The following WDR89 variants were observed in gnomAD, a reference collection of about 807,000 sequenced individuals.
WDR89 encodes the protein WD repeat domain 89, also known as WD repeat-containing protein 89.
Under a neutral mutation model 29.1 loss-of-function variants are expected in WDR89, and 17 were observed. The observed-to-expected ratio is 0.58, with a 90% CI of 0.40 to 0.88. WDR89 has a LOEUF of 0.88. Among genes scored for constraint, WDR89 ranks in the 40% least tolerant of loss-of-function variants. The pLI is 0.00. For missense variants in WDR89, 396 were observed against 456.3 expected (o/e 0.87, Z 1.20); for synonymous variants, 138 against 157.8 (o/e 0.87, Z 0.94).
At chr14:63,608,529 T>A (rs1401171404) in intron 2 of WDR89, among the ~76,000 whole-genome samples, 1 of 152,206 alleles carries the variant, frequency 6.6e-6, no homozygotes, top group Non-Finnish European at 1.5e-5. Context: ...ATCTCTGTCC[T>A]CAAGTCCCTT....
chr14:63,624,064 T>A (rs1234570515), intron 2 of WDR89, among the ~76,000 whole-genome samples: 2 of 152,082 alleles, frequency 1.3e-5, no homozygotes, highest in African/African-American at 2.4e-5. Context: ...AAAAAGGGAA[T>A]CTATGACCTT....
chr14:63,621,294 G>C (rs575475093), intron 2 of WDR89, among the ~76,000 whole-genome samples: 17 of 152,128 alleles, frequency 1.1e-4, no homozygotes, highest in African/African-American at 4.1e-4. Context: ...GCCCAGGCTG[G>C]GGTGCAGTGG....
intron 2 of WDR89, among the ~76,000 whole-genome samples, chr14:63,612,772 G>A (rs1052423953): frequency 5.9e-5 from 9 of 152,052 alleles, no homozygotes; most frequent in South Asian, 2.1e-4. Context: ...AAAATCTCTC[G>A]AAAGTAGTAA....
chr14:63,636,520 A>G (rs1883748285), intron 1 of WDR89, among the ~76,000 whole-genome samples: 1 of 152,236 alleles, frequency 6.6e-6, no homozygotes. Context: ...AAACTATACC[A>G]TAAGGCCATA....
At chr14:63,602,772 CAAAA>C in intron 2 of WDR89, among the ~76,000 whole-genome samples, 1 of 101,806 alleles carries the variant, frequency 9.8e-6, no homozygotes, top group African/African-American at 3.2e-5. Context: ...AACTCCATCT[CAAAA>C]AAAAAAAAAA....
chr14:63,607,138 T>G (rs141983002), intron 2 of WDR89, among the ~76,000 whole-genome samples: 1 of 152,198 alleles, frequency 6.6e-6, no homozygotes, highest in African/African-American at 2.4e-5. Context: ...CCTTTACTTT[T>G]AATTTTTCAT....
intron 1 of WDR89, among the ~76,000 whole-genome samples, chr14:63,625,863 T>A (rs571684211): frequency 5.3e-5 from 8 of 152,022 alleles, no homozygotes; most frequent in Admixed American, 2.6e-4. Context: ...AGAGGACTTT[T>A]TTTTTTTTTT....
At chr14:63,608,546 C>T (rs961424065) in intron 2 of WDR89, among the ~76,000 whole-genome samples, 2 of 152,072 alleles carry the variant, frequency 1.3e-5, no homozygotes, top group Non-Finnish European at 1.5e-5. Context: ...CCTTTCCTGT[C>T]CCAGGAGGCA....
chr14:63,602,713 G>A (rs10142782), intron 2 of WDR89, among the ~76,000 whole-genome samples: 8,282 of 150,886 alleles, frequency 0.055, 311 homozygotes, highest in African/African-American at 0.11. Context: ...AGGAGGTTGC[G>A]GTGAGCCGAG....
At chr14:63,620,897 C>CAAAA (rs539451063) in intron 2 of WDR89, among the ~76,000 whole-genome samples, 1 of 82,988 alleles carries the variant, frequency 1.2e-5, no homozygotes, top group Non-Finnish European at 2.4e-5. Context: ...GACTCCATCT[C>CAAAA]AAAAAAAAAA....
chr14:63,620,897 C>CAAAAAAAAAAAAA (rs539451063), intron 2 of WDR89, among the ~76,000 whole-genome samples: 1 of 82,960 alleles, frequency 1.2e-5, no homozygotes. Flanking sequence ...GACTCCATCT[C>CAAAAAAAAAAAAA]AAAAAAAAAA....
At chr14:63,623,875 G>C (rs1440224005) in intron 2 of WDR89, among the ~76,000 whole-genome samples, 7 of 151,868 alleles carry the variant, frequency 4.6e-5, no homozygotes, top group Admixed American at 4.6e-4. Flanking sequence ...TAAACATAAA[G>C]CCATAGATAG....
intron 1 of WDR89, among the ~76,000 whole-genome samples, chr14:63,639,142 A>G (rs1883929078): frequency 6.6e-6 from 1 of 152,176 alleles, no homozygotes; most frequent in South Asian, 2.1e-4. Flanking sequence ...TTCTTCTCAC[A>G]GCCTCCAGAA....
At chr14:63,602,241 G>A (rs1047869602) in intron 2 of WDR89, among the ~76,000 whole-genome samples, 3 of 152,000 alleles carry the variant, frequency 2.0e-5, no homozygotes, top group Non-Finnish European at 2.9e-5. Context: ...TCTGGAGGCC[G>A]AGGCAGCGAT....
rs1052680461 is a variant in WDR89, at chr14:63,597,658, A to G, written c.*1121T>C. On this transcript the variant is annotated 3_prime_UTR_variant, in exon 3 of 3. Coordinates refer to ENST00000620954, the MANE Select transcript of WDR89 (RefSeq NM_080666.4). ...GATTTCTCCAGATATCTTTCAAACT[A>G]ATTTTTTTATTCACTAGATAGCACT... 6.6e-6 allele frequency: 1 copy of G among 152,208 alleles called. No individual in the cohort carries two copies. The highest frequency in any genetic ancestry group is 1.5e-5 in the Non-Finnish European group (1 of 68,030). The allele number at this position is 152,208 out of a possible 1,614,324, so 9.4% of individuals were successfully genotyped here. A position where few individuals can be genotyped will look rare whatever the true frequency, so the allele number is the denominator to read the frequency against.
chr14:63,602,853 A>C (rs1212017877), intron 2 of WDR89, among the ~76,000 whole-genome samples: 1 of 152,208 alleles, frequency 6.6e-6, no homozygotes, highest in African/African-American at 2.4e-5. Flanking sequence ...GAGAGCTCCA[A>C]ATAGCACAAT....
chr14:63,617,016 T>G (rs1217219188), intron 2 of WDR89, among the ~76,000 whole-genome samples: 1 of 152,022 alleles, frequency 6.6e-6, no homozygotes, highest in Non-Finnish European at 1.5e-5. Context: ...ATTCCTAGGT[T>G]TCTGGCTTAA....
Position 63,598,740 on chromosome 14 carries a change from A to C in WDR89, c.*39T>G, listed in dbSNP as rs1352905133. 2.7e-6 allele frequency: 4 copies of C among 1,505,178 alleles called. No individual in the cohort carries two copies. Among genetic ancestry groups the C allele is most frequent in the African/African-American group, 2.8e-5 (2 of 71,738 alleles). The allele number at this position is 1,505,178 out of a possible 1,614,324, so 93.2% of individuals were successfully genotyped here. ...GGTAGTAAACAAGAAGGACTATTTG[A>C]AACTATAAAACCTACCAAACAAAGT... On this transcript the variant is annotated 3_prime_UTR_variant, in exon 3 of 3. Coordinates refer to ENST00000620954, the MANE Select transcript of WDR89 (RefSeq NM_080666.4).
chr14:63,603,526 T>G (rs1895178280), intron 2 of WDR89, among the ~76,000 whole-genome samples: 1 of 152,244 alleles, frequency 6.6e-6, no homozygotes. Context: ...CTATCATTCT[T>G]TCTACCTTAG....
Sources: allele counts gnomAD v4.1 joint callset (sites outside exome capture counted in the v4.1 genomes callset), GRCh38; gene constraint gnomAD v4.1.1; transcripts MANE v1.5; gene names NCBI Gene and HGNC (gene_info 2026-07-23, HGNC 2026-07-21).